Variants in MAPK10 observed in about 807,000 individuals in gnomAD.
MAPK10 encodes the protein mitogen-activated protein kinase 10.
Under a neutral mutation model 59.3 loss-of-function variants are expected in MAPK10, and 25 were observed. The observed-to-expected ratio is 0.42, with a 90% CI of 0.31 to 0.59. The LOEUF is 0.59. Among genes scored for constraint, MAPK10 ranks in the 20% least tolerant of loss-of-function variants. The pLI, the probability that MAPK10 is intolerant of heterozygous loss-of-function variation, is 0.15. For missense variants in MAPK10, 351 were observed against 568.9 expected (o/e 0.62, Z 3.90); for synonymous variants, 190 against 200.5 (o/e 0.95, Z 0.44).
At chr4:86,103,644 T>C (rs2055984845) in intron 5 of MAPK10, among the ~76,000 whole-genome samples, 2 of 152,236 alleles carry the variant, frequency 1.3e-5, no homozygotes, top group South Asian at 4.1e-4. Flanking sequence ...CTTCTCCAAA[T>C]GAACAAAGTT....
intron 2 of MAPK10, among the ~76,000 whole-genome samples, chr4:86,269,944 T>G (rs572684264): frequency 1.3e-5 from 2 of 152,234 alleles, no homozygotes; most frequent in African/African-American, 4.8e-5. Context: ...TCAGACTGTT[T>G]TCCTGTGAAT....
At chr4:86,505,448 TAA>T (rs1253773412) in intron 1 of MAPK10, among the ~76,000 whole-genome samples, 1 of 152,136 alleles carries the variant, frequency 6.6e-6, no homozygotes, top group East Asian at 1.9e-4. Context: ...TCATCTCTAC[TAA>T]AAATTTGTGG....
At chr4:86,076,164 C>G (rs6821840) in intron 9 of MAPK10, among the ~76,000 whole-genome samples, 21,986 of 152,170 alleles carry the variant, frequency 0.14, 1,918 homozygotes, top group African/African-American at 0.23. Flanking sequence ...TTTCCAGGTG[C>G]GTCTGTCACC....
At chr4:86,428,908 T>C (rs768022092) in intron 1 of MAPK10, among the ~76,000 whole-genome samples, 2 of 152,216 alleles carry the variant, frequency 1.3e-5, no homozygotes, top group African/African-American at 2.4e-5. Flanking sequence ...TCTTTCAAGA[T>C]GCAAATTTCA....
At chr4:86,113,235 G>A (rs957888286) in intron 4 of MAPK10, among the ~76,000 whole-genome samples, 1 of 152,100 alleles carries the variant, frequency 6.6e-6, no homozygotes, top group African/African-American at 2.4e-5. Flanking sequence ...ATATTGTTAT[G>A]TGTGAATTTG....
intron 2 of MAPK10, among the ~76,000 whole-genome samples, chr4:86,287,429 C>T (rs1293417660): frequency 6.6e-6 from 1 of 152,168 alleles, no homozygotes; most frequent in Non-Finnish European, 1.5e-5. Context: ...GCTCTAAATA[C>T]ATTCTTGCTC....
At chr4:86,104,680 A>G (rs1480586924) in intron 5 of MAPK10, among the ~76,000 whole-genome samples, 1 of 152,176 alleles carries the variant, frequency 6.6e-6, no homozygotes, top group Non-Finnish European at 1.5e-5. Flanking sequence ...CACTTAGTGA[A>G]CAAATAATCT....
chr4:86,040,494 G>T (rs1327672386), intron 11 of MAPK10, among the ~76,000 whole-genome samples: 3 of 152,074 alleles, frequency 2.0e-5, no homozygotes, highest in African/African-American at 7.2e-5. Flanking sequence ...GTGATTTATG[G>T]GAGAGCATCA....
chr4:86,502,252 T>C (rs1005393352), intron 1 of MAPK10, among the ~76,000 whole-genome samples: 6 of 152,042 alleles, frequency 3.9e-5, no homozygotes, highest in Admixed American at 6.6e-5. Flanking sequence ...TTGCCATATA[T>C]TTTTGTGTTA....
intron 9 of MAPK10, chr4:86,090,442 A>C (rs1339562544): frequency 6.6e-6 from 1 of 152,146 alleles, no homozygotes; most frequent in Admixed American, 6.6e-5. Context: ...TGATCACTGC[A>C]AAGAAACGGT....
chr4:86,277,005 T>G (rs2094600168), intron 2 of MAPK10: 1 of 152,100 alleles, frequency 6.6e-6, no homozygotes, highest in Non-Finnish European at 1.5e-5. Flanking sequence ...ACCAATAGAG[T>G]TGAGACCATA....
At chr4:86,266,093 A>G (rs1041823536) in intron 2 of MAPK10, among the ~76,000 whole-genome samples, 1 of 152,222 alleles carries the variant, frequency 6.6e-6, no homozygotes, top group Admixed American at 6.5e-5. Flanking sequence ...GATAAATTCA[A>G]AAGAACATGT....
intron 2 of MAPK10, among the ~76,000 whole-genome samples, chr4:86,283,577 G>A (rs150245755): frequency 6.6e-6 from 1 of 152,200 alleles, no homozygotes. Flanking sequence ...GGCTGGAGCT[G>A]TGCCAATTTT....
chr4:86,140,574 C>A (rs1229877122), intron 4 of MAPK10, among the ~76,000 whole-genome samples: 1 of 148,580 alleles, frequency 6.7e-6, no homozygotes, highest in African/African-American at 2.5e-5. Context: ...GGGAGATATA[C>A]CCAATGCTAG....
intron 1 of MAPK10, among the ~76,000 whole-genome samples, chr4:86,556,856 C>A (rs1247214088): frequency 6.6e-6 from 1 of 152,030 alleles, no homozygotes; most frequent in South Asian, 2.1e-4. Context: ...ATTTTTATAG[C>A]ACTGGCAAGA....
intron 2 of MAPK10, among the ~76,000 whole-genome samples, chr4:86,221,480 G>GTT (rs5860022): frequency 3.4e-5 from 5 of 146,536 alleles, no homozygotes; most frequent in South Asian, 2.2e-4. Context: ...TATATTTTTG[G>GTT]TTTTTTTTTT....
At chr4:86,061,695 T>C (rs2045791747) in intron 11 of MAPK10, among the ~76,000 whole-genome samples, 1 of 152,144 alleles carries the variant, frequency 6.6e-6, no homozygotes, top group South Asian at 2.1e-4. Flanking sequence ...TCATAGTTTG[T>C]TCTTTATCCC....
chr4:86,372,520 A>AAAGAAAG (rs1738930652), intron 1 of MAPK10, among the ~76,000 whole-genome samples: 1 of 90,006 alleles, frequency 1.1e-5, no homozygotes, highest in Non-Finnish European at 2.1e-5. Flanking sequence ...CATCTCAAAC[A>AAAGAAAG]AAAGAAAGAA....
At chr4:86,117,193 G>A (rs2058418741) in intron 4 of MAPK10, among the ~76,000 whole-genome samples, 1 of 152,224 alleles carries the variant, frequency 6.6e-6, no homozygotes, top group South Asian at 2.1e-4. Context: ...AGGATTGCTT[G>A]AGCCCGAGAG....
Sources: gnomAD v4.1 joint callset for allele counts (sites outside exome capture counted in the v4.1 genomes callset) on GRCh38, gnomAD v4.1.1 for gene constraint, MANE v1.5 for transcripts, NCBI Gene and HGNC (gene_info 2026-07-23, HGNC 2026-07-21) for gene names.